The following KCTD15 variants were observed in gnomAD, a reference collection of about 807,000 sequenced individuals.
KCTD15 encodes the protein potassium channel tetramerization domain containing 15, also known as BTB/POZ domain-containing protein KCTD15.
Under a neutral mutation model 27.2 loss-of-function variants are expected in KCTD15, and 11 were observed. That is an observed-to-expected ratio of 0.41 (90% CI 0.25 to 0.67). KCTD15 has a LOEUF of 0.67. KCTD15 is among the 30% of genes least tolerant of loss of function. The probability of loss-of-function intolerance (pLI) is 0.35; values close to 1 mark genes in which losing one functional copy is unlikely to be tolerated. For synonymous variants in KCTD15, 163 were observed against 176.0 expected (o/e 0.93, Z 0.58); for missense variants, 350 against 409.3 (o/e 0.86, Z 1.25).
At chr19:33,811,197 A>ACC in intron 5 of KCTD15, 50 bp from the exon 6 acceptor site, 1 of 181,210 alleles carries the variant, frequency 5.5e-6, no homozygotes, top group South Asian at 4.2e-5. Context: ...CCCTTCCCCC[A>ACC]CCACCCCTAC....
upstream of KCTD15, chr19:33,796,009 CGACT>C (rs1975308158): frequency 6.6e-6 from 1 of 152,142 alleles, no homozygotes; most frequent in Non-Finnish European, 1.5e-5. Flanking sequence ...CAGCCCCGAC[CGACT>C]GGCAGCCCAG....
At chr19:33,799,463 C>T (rs765874710) in intron 2 of KCTD15, 3 of 152,268 alleles carry the variant, frequency 2.0e-5, no homozygotes, top group Non-Finnish European at 4.4e-5. Context: ...ACGTGCAAAT[C>T]TCCTCTTTCC....
At position 33,798,786 on chromosome 19, in the gene KCTD15, T is replaced by G. The variant is rs558123818; in HGVS notation, c.-28+20T>G. The G allele has an allele frequency of 9.8e-5, 15 of 152,740 alleles. No homozygotes were observed. Among genetic ancestry groups the G allele is most frequent in the African/African-American group, 3.4e-4 (14 of 41,580 alleles). 9.5% of individuals were successfully genotyped at this position (152,740 alleles called of 1,614,324 possible). A position where few individuals can be genotyped will look rare whatever the true frequency, so the allele number is the denominator to read the frequency against. ...CCAACGGTAAGTTTCTGGCTTGCCA[T>G]GAACATCAGGTTGTTCTTGGGAGGG... On this transcript the variant is annotated intron_variant, in intron 2 of 6. Coordinates refer to ENST00000683859, the MANE Select transcript of KCTD15 (RefSeq NM_001129994.2).
In KCTD15 at chr19:33,797,271, TGTGTGTGTGTGTGCGC is replaced by T. The variant is rs1191588673; in HGVS notation, c.-127+286_-127+301del. 165 of 306,260 alleles carry T rather than the reference TGTGTGTGTGTGTGCGC, an allele frequency of 5.4e-4. 3 individuals carry two copies. Among genetic ancestry groups the T allele is most frequent in the African/African-American group, 4.8e-3 (144 of 29,890 alleles). 19.0% of individuals were successfully genotyped at this position (306,260 alleles called of 1,614,324 possible). A position where few individuals can be genotyped will look rare whatever the true frequency, so the allele number is the denominator to read the frequency against. On this transcript the variant is annotated intron_variant, in intron 1 of 6. Coordinates refer to ENST00000683859, the MANE Select transcript of KCTD15 (RefSeq NM_001129994.2). Reference sequence around the variant, plus strand: ...CGGTGTGTGTGTGTGTGTGTGTGTGTGTGTGTGTGTGTGCGCGCGCGCGCGCGCGCGCTTGTGGAGG... The same window carrying T: ...CGGTGTGTGTGTGTGTGTGTGTGTGTGCGCGCGCGCGCGCGCTTGTGGAGG...
chr19:33,803,228 C>T (rs996779810), intron 4 of KCTD15, among the ~76,000 whole-genome samples: 1 of 152,150 alleles, frequency 6.6e-6, no homozygotes, highest in Non-Finnish European at 1.5e-5. Context: ...GGATGGCTGA[C>T]CTGCAGGACA....
intron 5 of KCTD15, among the ~76,000 whole-genome samples, chr19:33,809,451 CG>C (rs1485127427): frequency 2.6e-5 from 4 of 152,120 alleles, no homozygotes; most frequent in Non-Finnish European, 4.4e-5. Context: ...AGTTGAGGCC[CG>C]GGGTGGACCA....
chr19:33,804,420 C>T (rs904931371), intron 4 of KCTD15, among the ~76,000 whole-genome samples: 3 of 152,188 alleles, frequency 2.0e-5, no homozygotes, highest in African/African-American at 7.2e-5. Flanking sequence ...GACCTGACGT[C>T]AGAAGGGTTG....
upstream of KCTD15, among the ~76,000 whole-genome samples, chr19:33,795,129 A>G (rs1975276989): frequency 6.6e-6 from 1 of 152,274 alleles, no homozygotes; most frequent in African/African-American, 2.4e-5. Context: ...TAAGCTATTT[A>G]AATCTATAAA....
chr19:33,813,530 G>A lies in KCTD15; in HGVS notation c.*582G>A. The A allele has an allele frequency of 2.5e-6, 1 of 399,824 alleles. No homozygotes were observed. Among genetic ancestry groups the A allele is most frequent in the Non-Finnish European group, 5.0e-6 (1 of 201,858 alleles). The allele number at this position is 399,824 out of a possible 1,614,324, so 24.8% of individuals were successfully genotyped here. Reference sequence around the variant, plus strand: ...ATGCCTGCAGGGCTGGGGCTCTCGGGACAGATGCAGGGATGTGTGCTGCAG... The same window carrying A: ...ATGCCTGCAGGGCTGGGGCTCTCGGAACAGATGCAGGGATGTGTGCTGCAG... On this transcript the variant is annotated 3_prime_UTR_variant, in exon 7 of 7. Coordinates refer to ENST00000683859, the MANE Select transcript of KCTD15 (RefSeq NM_001129994.2).
intron 6 of KCTD15, chr19:33,812,309 G>A (rs942539603): frequency 2.2e-4 from 227 of 1,015,362 alleles, no homozygotes; most frequent in Non-Finnish European, 1.8e-4. Context: ...GAGCTCCCAC[G>A]AGCTGATGCA....
upstream of KCTD15, chr19:33,796,192 T>A (rs2145416371): frequency 6.6e-6 from 1 of 151,482 alleles, no homozygotes; most frequent in Non-Finnish European, 1.5e-5. Flanking sequence ...TCAGATGAAA[T>A]GACAATGATT....
In KCTD15 at chr19:33,815,427, T is replaced by G. The variant is rs1480913565; in HGVS notation, c.*2479T>G. 6.6e-6 allele frequency: 1 copy of G among 152,204 alleles called. No individual in the cohort carries two copies. Among genetic ancestry groups the G allele is most frequent in the Admixed American group, 6.5e-5 (1 of 15,286 alleles). The allele number at this position is 152,204 out of a possible 1,614,324, so 9.4% of individuals were successfully genotyped here. A position where few individuals can be genotyped will look rare whatever the true frequency, so the allele number is the denominator to read the frequency against. The stretch of plus-strand genomic sequence containing the variant: ...TCCTTTAAAGCATTTTTACACTTCC[T>G]GGAATGAGTATATTATCAGCAATCT... On this transcript the variant is annotated 3_prime_UTR_variant, in exon 7 of 7. Transcript: ENST00000683859.
chr19:33,811,776 T>G (rs756355662), intron 6 of KCTD15: 8 of 1,602,092 alleles, frequency 5.0e-6, no homozygotes, highest in Non-Finnish European at 5.9e-6. Flanking sequence ...TACTTTTTTT[T>G]TTTTTTTCCA....
intron 3 of KCTD15, 53 bp from the exon 4 acceptor site, chr19:33,801,114 A>C: frequency 6.6e-7 from 1 of 1,510,308 alleles, no homozygotes. Context: ...TTGTGGAGAA[A>C]CTCTTGTGTT....
rs745794039 is a variant in KCTD15 at position 33,811,510 on chromosome 19, C to T, written c.651C>T (p.Ile217=). Residue 217 remains isoleucine, a synonymous_variant, in exon 6 of 7, where the codon ATC becomes ATT. Coordinates refer to ENST00000683859, the MANE Select transcript of KCTD15 (RefSeq NM_001129994.2). ...AGWNQDPTHV[I]RFPLNGYCRL... The stretch of plus-strand genomic sequence containing the variant: ...GGAACCAGGACCCCACGCACGTCAT[C>T]CGCTTCCCGCTCAATGGCTACTGCC... The T allele has an allele frequency of 1.9e-6, 3 of 1,610,132 alleles. No homozygotes were observed. Among genetic ancestry groups the T allele is most frequent in the Non-Finnish European group, 2.5e-6 (3 of 1,177,622 alleles).
upstream of KCTD15, among the ~76,000 whole-genome samples, chr19:33,795,066 G>A (rs1049067284): frequency 2.6e-5 from 4 of 152,212 alleles, no homozygotes; most frequent in African/African-American, 9.6e-5. Context: ...TCCAGGAGCA[G>A]CTCAAAATCC....
chr19:33,809,751 G>A, intron 5 of KCTD15, among the ~76,000 whole-genome samples: 1 of 152,114 alleles, frequency 6.6e-6, no homozygotes, highest in Non-Finnish European at 1.5e-5. Context: ...CATGCCTGTA[G>A]TCTCAGCTGC....
At chr19:33,794,671 C>A (rs897866182), upstream of KCTD15, among the ~76,000 whole-genome samples, 8 of 152,230 alleles carry the variant, frequency 5.3e-5, no homozygotes, top group African/African-American at 1.9e-4. Flanking sequence ...AAGTTGGGGG[C>A]ACCCACACAC....
At chr19:33,806,380 T>C (rs1210711090) in intron 4 of KCTD15, among the ~76,000 whole-genome samples, 1 of 152,182 alleles carries the variant, frequency 6.6e-6, no homozygotes, top group Non-Finnish European at 1.5e-5. Flanking sequence ...TGTCTCACAC[T>C]CGTTTACATG....
Sources: allele counts gnomAD v4.1 joint callset (sites outside exome capture counted in the v4.1 genomes callset), GRCh38; gene constraint gnomAD v4.1.1; transcripts MANE v1.5; gene names NCBI Gene and HGNC (gene_info 2026-07-23, HGNC 2026-07-21).